PRKCE: variants seen among roughly 807,000 people sequenced by gnomAD.
The protein encoded by PRKCE is protein kinase C epsilon type.
A neutral mutation model predicts 85.4 loss-of-function variants in PRKCE; 16 were observed. The ratio of observed to expected loss-of-function variants is 0.19; its 90% CI spans 0.13 to 0.28. PRKCE has a LOEUF of 0.28. Ranked by LOEUF, PRKCE falls within the 10% of genes least tolerant of loss-of-function variation. The probability of loss-of-function intolerance (pLI) is 1.00; values close to 1 mark genes in which losing one functional copy is unlikely to be tolerated. For missense variants in PRKCE, 573 were observed against 975.2 expected, an observed-to-expected ratio of 0.59 and a Z score of 5.49; for synonymous variants, 388 against 371.5, an observed-to-expected ratio of 1.04 and a Z score of -0.51.
intron 1 of PRKCE, among the ~76,000 whole-genome samples, chr2:45,798,532 T>C (rs1191450714): frequency 6.6e-6 from 1 of 152,214 alleles, no homozygotes; most frequent in Non-Finnish European, 1.5e-5. Context: ...TTAAGATGTG[T>C]TCCAGCCTCC....
rs1266650171 is a variant in PRKCE at position 46,041,918 on chromosome 2, AG to A, written c.1437+31403del. On this transcript the variant is annotated intron_variant, in intron 10 of 14. Coordinates refer to ENST00000306156, the MANE Select transcript of PRKCE (RefSeq NM_005400.3). The surrounding 1 kb of genome is among the most constrained non-coding windows in gnomAD (Gnocchi z 5.5). ...ACTTACCATGAGCAATTCTTTTCAG[AG>A]GTTAGCTTTTAGTTATCAAAATGGG... Among the ~76,000 whole-genome samples, 4 of 152,116 alleles carry A rather than the reference AG, an allele frequency of 2.6e-5. No homozygotes were observed. Among genetic ancestry groups the A allele is most frequent in the African/African-American group, 9.7e-5 (4 of 41,418 alleles).
At chr2:46,031,870 A>G (rs1707547119) in intron 10 of PRKCE, among the ~76,000 whole-genome samples, 1 of 152,264 alleles carries the variant, frequency 6.6e-6, no homozygotes. Flanking sequence ...AACTGGTCGC[A>G]ATTTGCATGG....
chr2:46,121,601 G>A lies in PRKCE; in HGVS notation c.1593-23492G>A, dbSNP rs540995252. Reference sequence around the variant, plus strand: ...CATGGTGCTGGGCTTGTAAAAGATGGCTAAAAGATATTGACCAATTGGTGG... The same window carrying A: ...CATGGTGCTGGGCTTGTAAAAGATGACTAAAAGATATTGACCAATTGGTGG... On this transcript the variant is annotated intron_variant, in intron 11 of 14. Coordinates refer to ENST00000306156, the MANE Select transcript of PRKCE (RefSeq NM_005400.3). Among the ~76,000 whole-genome samples, 13 of 152,316 alleles carry A rather than the reference G, an allele frequency of 8.5e-5. No individual in the cohort carries two copies. In the South Asian group the frequency reaches 2.7e-3, roughly 32 times the overall value.
At chr2:46,081,184 G>A (rs1338207888) in intron 10 of PRKCE, among the ~76,000 whole-genome samples, 1 of 151,912 alleles carries the variant, frequency 6.6e-6, no homozygotes, top group Non-Finnish European at 1.5e-5. Flanking sequence ...GTATAGACAG[G>A]GTCTTGGTAT....
At chr2:45,994,816 T>C (rs1704089457) in intron 6 of PRKCE, among the ~76,000 whole-genome samples, 1 of 152,252 alleles carries the variant, frequency 6.6e-6, no homozygotes, top group Admixed American at 6.5e-5. Flanking sequence ...GTGTAATTGC[T>C]GGATCTTATG....
chr2:45,671,071 A>G (rs898422695), intron 1 of PRKCE, among the ~76,000 whole-genome samples: 8 of 152,204 alleles, frequency 5.3e-5, no homozygotes, highest in African/African-American at 1.7e-4. Flanking sequence ...TTCAACTGGC[A>G]CTGGAGAGTT....
At chr2:45,702,199 C>G (rs1270075250) in intron 1 of PRKCE, among the ~76,000 whole-genome samples, 1 of 152,086 alleles carries the variant, frequency 6.6e-6, no homozygotes, top group Non-Finnish European at 1.5e-5. Context: ...AAAACAACGA[C>G]AACAACAAAA....
intron 14 of PRKCE, among the ~76,000 whole-genome samples, chr2:46,165,283 A>G (rs994749850): frequency 6.6e-6 from 1 of 152,008 alleles, no homozygotes; most frequent in African/African-American, 2.4e-5. Flanking sequence ...CCTCTTGTTC[A>G]CCCTCTGTCC....
At chr2:45,695,033 C>T (rs1212481573) in intron 1 of PRKCE, among the ~76,000 whole-genome samples, 2 of 152,170 alleles carry the variant, frequency 1.3e-5, no homozygotes, top group East Asian at 3.9e-4. Context: ...GTCCTGCCCT[C>T]TGCCCCTGTG....
At chr2:45,900,176 T>C (rs1325038004) in intron 2 of PRKCE, among the ~76,000 whole-genome samples, 3 of 152,218 alleles carry the variant, frequency 2.0e-5, no homozygotes, top group African/African-American at 7.2e-5. Flanking sequence ...AGTGCACATG[T>C]AATGTGGTGC....
At chr2:46,091,979 G>C (rs1368215468) in intron 11 of PRKCE, among the ~76,000 whole-genome samples, 1 of 152,188 alleles carries the variant, frequency 6.6e-6, no homozygotes, top group East Asian at 1.9e-4. Context: ...AAGCAGTGAA[G>C]AAAGGCGTAA....
At chr2:45,976,648 G>C (rs1702473226) in intron 3 of PRKCE, 60 bp downstream of exon 3, 1 of 1,560,948 alleles carries the variant, frequency 6.4e-7, no homozygotes, top group African/African-American at 1.3e-5. Context: ...TGTCGGGGAT[G>C]GGGTAGGGGA....
intron 14 of PRKCE, among the ~76,000 whole-genome samples, chr2:46,170,442 G>A (rs563877273): frequency 5.3e-5 from 8 of 152,198 alleles, no homozygotes; most frequent in African/African-American, 1.2e-4. Context: ...ATCACCCAGC[G>A]TCAACAATTA....
At chr2:45,656,850 T>C (rs2103707417) in intron 1 of PRKCE, among the ~76,000 whole-genome samples, 1 of 152,358 alleles carries the variant, frequency 6.6e-6, no homozygotes, top group African/African-American at 2.4e-5. Context: ...GGATCAAGCA[T>C]TTTTACATAG....
intron 2 of PRKCE, among the ~76,000 whole-genome samples, chr2:45,870,034 G>C (rs1055195810): frequency 1.3e-5 from 2 of 152,096 alleles, no homozygotes; most frequent in African/African-American, 2.4e-5. Context: ...GAGGAGCTCG[G>C]TGACTGAGGA....
chr2:46,117,784 C>T (rs558007030), intron 11 of PRKCE, among the ~76,000 whole-genome samples: 71 of 152,138 alleles, frequency 4.7e-4, no homozygotes, highest in Admixed American at 7.2e-4. Flanking sequence ...TATTACTGAT[C>T]CCTTACATTG....
intron 1 of PRKCE, among the ~76,000 whole-genome samples, chr2:45,791,210 C>A (rs979749766): frequency 6.6e-6 from 1 of 152,326 alleles, no homozygotes. Flanking sequence ...ACCTAATCAG[C>A]CCCTTTAAGT....
In PRKCE at chr2:45,741,901, G is replaced by A. The variant is rs545989927; in HGVS notation, c.348+89453G>A. On this transcript the variant is annotated intron_variant, in intron 1 of 14. Coordinates refer to ENST00000306156, the MANE Select transcript of PRKCE (RefSeq NM_005400.3). ...CCAGGGTCTCTCCTTTAAAGAGGGC[G>A]GAAGTCCCCTGTAATGCTTGTTACC... is the stretch of plus-strand genomic sequence containing the variant. Among the ~76,000 whole-genome samples, 8 of 152,320 alleles carry A rather than the reference G, an allele frequency of 5.3e-5. No homozygotes were observed. The East Asian group carries it at 9.6e-4, about 18-fold the overall frequency.
intron 1 of PRKCE, among the ~76,000 whole-genome samples, chr2:45,659,151 T>C (rs1234793330): frequency 6.6e-6 from 1 of 152,202 alleles, no homozygotes; most frequent in Admixed American, 6.5e-5. Context: ...GCTTTCATTG[T>C]GTAAAGGGCA....
Sources: gnomAD v4.1 joint callset for allele counts (sites outside exome capture counted in the v4.1 genomes callset) on GRCh38, gnomAD v4.1.1 for gene constraint, Gnocchi (gnomAD v3.1) non-coding constraint, MANE v1.5 for transcripts, NCBI Gene and HGNC (gene_info 2026-07-23, HGNC 2026-07-21) for gene names.